POC1A: variants seen among roughly 807,000 people sequenced by gnomAD.
The protein encoded by POC1A is POC1 centriolar protein homolog A.
Under a neutral mutation model 47.8 loss-of-function variants are expected in POC1A, and 34 were observed. The observed-to-expected ratio is 0.71, with a 90% CI of 0.54 to 0.95. The LOEUF is 0.95. Ranked by LOEUF, POC1A falls within the 40% of genes least tolerant of loss-of-function variation. The pLI is 0.00. For synonymous variants in POC1A, 177 were observed against 207.6 expected (o/e 0.85, Z 1.27); for missense variants, 466 against 528.3 (o/e 0.88, Z 1.16).
At position 52,085,921 on chromosome 3, in the gene POC1A, C is replaced by T. The variant is rs971266409; in HGVS notation, c.1126-9936G>A. Among the ~76,000 whole-genome samples, 18 of 152,174 alleles carry T rather than the reference C, an allele frequency of 1.2e-4. 1 individual carries two copies. The highest frequency in any genetic ancestry group is 3.9e-4 in the Admixed American group (6 of 15,278). ...TCTAGCCATTGCCCTGGCTGAGCTC[C>T]GGGATGTTGGGGGAGCCATGGGCAC... On this transcript the variant is annotated intron_variant, in intron 10 of 10. Transcript: ENST00000296484.
intron 4 of POC1A, among the ~76,000 whole-genome samples, chr3:52,147,668 T>A (rs533993903): frequency 6.6e-6 from 1 of 152,110 alleles, no homozygotes; most frequent in East Asian, 1.9e-4. Flanking sequence ...GTCCTCTAAC[T>A]CCTGGAGTCA....
intron 5 of POC1A, among the ~76,000 whole-genome samples, chr3:52,146,396 G>A (rs1219446011): frequency 1.3e-5 from 2 of 152,240 alleles, no homozygotes; most frequent in Non-Finnish European, 2.9e-5. Context: ...ACAGGCCAAG[G>A]ACCCTCACCA....
chr3:52,131,498 T>C (rs1269699925), intron 7 of POC1A, among the ~76,000 whole-genome samples: 1 of 152,094 alleles, frequency 6.6e-6, no homozygotes, highest in Non-Finnish European at 1.5e-5. Flanking sequence ...TGACCAAGAC[T>C]TTCCAGAGCC....
rs747601145 is a variant in POC1A, at chr3:52,149,869, G to A, written c.222C>T (p.His74=). ...VTCVNFSPSG[H]LLASGSRDKT... ...TGTCTCGGGAGCCGGAAGCAAGCAG[G>A]TGTCCCGAAGGAGAGAAGTTCACAC... The change falls in exon 3 of 11, where the codon CAC becomes CAT. Residue 74 remains histidine (H), a synonymous_variant. Coordinates refer to ENST00000296484, the MANE Select transcript of POC1A (RefSeq NM_015426.5). The A allele has an allele frequency of 6.2e-7, 1 of 1,614,006 alleles. No individual in the cohort carries two copies. The highest frequency in any genetic ancestry group is 1.7e-5 in the Admixed American group (1 of 60,032).
At chr3:52,076,015 C>T in intron 10 of POC1A, 30 bp from the exon 11 acceptor site, 1 of 1,564,188 alleles carries the variant, frequency 6.4e-7, no homozygotes, top group Non-Finnish European at 8.8e-7. Flanking sequence ...TGGGTCAGAA[C>T]ACAGAAGGGC....
intron 9 of POC1A, among the ~76,000 whole-genome samples, chr3:52,112,427 G>A (rs1703416931): frequency 1.3e-5 from 2 of 152,156 alleles, no homozygotes; most frequent in Admixed American, 6.5e-5. Flanking sequence ...ATCACCTGAA[G>A]TCAGGAGTTC....
chr3:52,076,032 G>T lies in POC1A; in HGVS notation c.1126-47C>A, dbSNP rs778472879. 4.8e-6 allele frequency: 7 copies of T among 1,463,732 alleles called. No individual in the cohort carries two copies. In the Admixed American group the frequency reaches 1.2e-4, roughly 25 times the overall value. The allele number at this position is 1,463,732 out of a possible 1,614,324, so 90.7% of individuals were successfully genotyped here. A position where few individuals can be genotyped will look rare whatever the true frequency, so the allele number is the denominator to read the frequency against. On this transcript the variant is annotated intron_variant, in intron 10 of 10. Coordinates refer to ENST00000296484, the MANE Select transcript of POC1A (RefSeq NM_015426.5). ...GGTCAGAACACAGAAGGGCCGCCAG[G>T]CTGCTCTAGGGACCCCCTTGGCCAG...
At chr3:52,129,950 G>A (rs112752028) in intron 7 of POC1A, among the ~76,000 whole-genome samples, 2,503 of 152,254 alleles carry the variant, frequency 0.016, 58 homozygotes, top group African/African-American at 0.053. Flanking sequence ...GGCAAAACAA[G>A]GGAGCCCATG....
At chr3:52,098,702 G>T (rs1702898764) in intron 9 of POC1A, among the ~76,000 whole-genome samples, 1 of 152,166 alleles carries the variant, frequency 6.6e-6, no homozygotes, top group Non-Finnish European at 1.5e-5. Flanking sequence ...GTGCTGCCCT[G>T]AGCCATTTCC....
intron 10 of POC1A, among the ~76,000 whole-genome samples, chr3:52,095,978 A>G (rs1702800430): frequency 6.6e-6 from 1 of 152,274 alleles, no homozygotes; most frequent in Non-Finnish European, 1.5e-5. Flanking sequence ...GGTCAGGGCC[A>G]CAACTAACAT....
chr3:52,081,821 A>G (rs773342599), intron 10 of POC1A, among the ~76,000 whole-genome samples: 8 of 152,000 alleles, frequency 5.3e-5, no homozygotes, highest in Non-Finnish European at 1.2e-4. Flanking sequence ...CAGGCAAGAG[A>G]GAACGAGAGG....
At chr3:52,121,016 T>A (rs187645405) in intron 9 of POC1A, among the ~76,000 whole-genome samples, 67 of 152,362 alleles carry the variant, frequency 4.4e-4, no homozygotes, top group African/African-American at 1.6e-3. Flanking sequence ...ACCTGTAGTT[T>A]CTAGCTTTGC....
intron 10 of POC1A, among the ~76,000 whole-genome samples, chr3:52,078,701 C>T (rs1350913769): frequency 6.6e-6 from 1 of 152,046 alleles, no homozygotes; most frequent in South Asian, 2.1e-4. Flanking sequence ...TTAGTATAGA[C>T]GGGGTTTCAC....
At chr3:52,149,673 C>T in intron 3 of POC1A, 143 bp downstream of exon 3, 1 of 815,224 alleles carries the variant, frequency 1.2e-6, no homozygotes, top group Non-Finnish European at 1.9e-6. Context: ...AACTGCAGCC[C>T]CAGCCTCTGA....
At chr3:52,122,527 C>A in intron 8 of POC1A, 50 bp from the exon 9 acceptor site, 4 of 1,134,136 alleles carry the variant, frequency 3.5e-6, no homozygotes, top group Non-Finnish European at 5.4e-6. Context: ...ATCCCCTTGC[C>A]AGTCCTTCAC....
At position 52,088,594 on chromosome 3, in the gene POC1A, T is replaced by G. The variant is rs946371891; in HGVS notation, c.1125+7975A>C. ...CACCAAGAGGTCACGGGGTCAGCTG[T>G]GATGAAGTAGGCTGTGGCTTGCTTA... On this transcript the variant is annotated intron_variant, in intron 10 of 10. Coordinates refer to ENST00000296484, the MANE Select transcript of POC1A (RefSeq NM_015426.5). Among the ~76,000 whole-genome samples, 5 of 152,010 alleles carry G rather than the reference T, an allele frequency of 3.3e-5. 1 individual carries two copies. The highest frequency in any genetic ancestry group is 3.3e-4 in the Admixed American group (5 of 15,276).
chr3:52,136,375 C>A (rs1195620673), intron 7 of POC1A, among the ~76,000 whole-genome samples: 1 of 152,148 alleles, frequency 6.6e-6, no homozygotes. Context: ...TACCTCTCAG[C>A]CAGCCTAACT....
chr3:52,083,296 A>T (rs1702359292), intron 10 of POC1A, among the ~76,000 whole-genome samples: 2 of 152,042 alleles, frequency 1.3e-5, no homozygotes, highest in Admixed American at 1.3e-4. Context: ...GTGCTTCTGG[A>T]GAGGGTGAGG....
chr3:52,111,977 G>A (rs1703403322), intron 9 of POC1A, among the ~76,000 whole-genome samples: 1 of 152,184 alleles, frequency 6.6e-6, no homozygotes, highest in Non-Finnish European at 1.5e-5. Flanking sequence ...CAGAAGCTGG[G>A]ACAGAACAAC....
Sources: allele counts gnomAD v4.1 joint callset (sites outside exome capture counted in the v4.1 genomes callset), GRCh38; gene constraint gnomAD v4.1.1; transcripts MANE v1.5; gene names NCBI Gene and HGNC (gene_info 2026-07-23, HGNC 2026-07-21).